The following EPB41L5 variants were observed in gnomAD, a reference collection of about 807,000 sequenced individuals.
EPB41L5 encodes the protein erythrocyte membrane protein band 4.1 like 5, also known as band 4.1-like protein 5.
EPB41L5 carries 55 observed loss-of-function variants against 106.6 expected under a neutral mutation model. That is an observed-to-expected ratio of 0.52 (90% CI 0.42 to 0.65). The LOEUF (loss-of-function observed/expected upper bound fraction) is 0.65, where lower values mean the gene tolerates loss of function less well. Ranked by LOEUF, EPB41L5 falls within the 30% of genes least tolerant of loss-of-function variation. EPB41L5 has a pLI of 0.00. For synonymous variants in EPB41L5, 297 were observed against 306.7 expected (o/e 0.97, Z 0.33); for missense variants, 871 against 882.1 (o/e 0.99, Z 0.16).
intron 21 of EPB41L5, among the ~76,000 whole-genome samples, chr2:120,163,919 T>G (rs1020598517): frequency 9.9e-5 from 15 of 151,354 alleles, no homozygotes; most frequent in Admixed American, 6.6e-4. Flanking sequence ...GCCAGTGCAC[T>G]TCAGCCTGGA....
At chr2:120,123,516 A>G (rs1356278490) in intron 16 of EPB41L5, among the ~76,000 whole-genome samples, 2 of 152,166 alleles carry the variant, frequency 1.3e-5, no homozygotes, top group Non-Finnish European at 2.9e-5. Context: ...TATAAGAACC[A>G]TCTTACTTGT....
At chr2:120,123,646 C>CTTTTTT (rs869296989) in intron 16 of EPB41L5, among the ~76,000 whole-genome samples, 4 of 68,334 alleles carry the variant, frequency 5.9e-5, no homozygotes, top group African/African-American at 1.1e-4. Flanking sequence ...GTGTTCGTCC[C>CTTTTTT]TTTTTTTTTT....
intron 18 of EPB41L5, among the ~76,000 whole-genome samples, chr2:120,136,978 A>T (rs1199283150): frequency 6.6e-6 from 1 of 152,096 alleles, no homozygotes; most frequent in South Asian, 2.1e-4. Context: ...ATGTTAAGTC[A>T]CAAAACAAGT....
intron 20 of EPB41L5, among the ~76,000 whole-genome samples, chr2:120,153,026 G>C (rs908646036): frequency 6.6e-6 from 1 of 152,012 alleles, no homozygotes; most frequent in African/African-American, 2.4e-5. Flanking sequence ...ATCTTTCAGT[G>C]GACTAACTTT....
chr2:120,123,069 T>C (rs1207571201), intron 16 of EPB41L5, among the ~76,000 whole-genome samples: 5 of 152,190 alleles, frequency 3.3e-5, no homozygotes, highest in Non-Finnish European at 7.3e-5. Context: ...GGCTCAGCAG[T>C]CCTTGAGCCC....
intron 10 of EPB41L5, among the ~76,000 whole-genome samples, chr2:120,084,349 G>T (rs1045698843): frequency 6.6e-6 from 1 of 152,170 alleles, no homozygotes; most frequent in South Asian, 2.1e-4. Context: ...GCATTTGCTT[G>T]TCTGTAAACT....
intron 16 of EPB41L5, among the ~76,000 whole-genome samples, chr2:120,115,720 G>T (rs940003451): frequency 6.6e-6 from 1 of 151,980 alleles, no homozygotes; most frequent in Non-Finnish European, 1.5e-5. Context: ...TTTTCTTAAT[G>T]GTTACCCTGG....
At chr2:120,155,297 C>T (rs780664001) in intron 20 of EPB41L5, among the ~76,000 whole-genome samples, 4 of 152,136 alleles carry the variant, frequency 2.6e-5, no homozygotes, top group Non-Finnish European at 5.9e-5. Flanking sequence ...TGACAGGGTA[C>T]TTTCTTTCAG....
chr2:120,019,475 GC>G (rs1455897943), intron 2 of EPB41L5, among the ~76,000 whole-genome samples: 1 of 152,152 alleles, frequency 6.6e-6, no homozygotes, highest in Admixed American at 6.5e-5. Flanking sequence ...GGAATTAGTG[GC>G]GATTACCTGA....
chr2:120,137,913 T>C (rs577384389), intron 18 of EPB41L5, among the ~76,000 whole-genome samples: 1 of 152,078 alleles, frequency 6.6e-6, no homozygotes, highest in South Asian at 2.1e-4. Flanking sequence ...AGGAAAACTG[T>C]AGACCAGTAT....
intron 22 of EPB41L5, among the ~76,000 whole-genome samples, chr2:120,165,178 TTTC>T (rs1425147425): frequency 6.6e-6 from 1 of 152,210 alleles, no homozygotes; most frequent in Non-Finnish European, 1.5e-5. Context: ...GATAAAGCAG[TTTC>T]TTGAGACAAT....
chr2:120,074,088 TTTA>T lies in EPB41L5; in HGVS notation c.329-11_329-9del. On this transcript the variant is annotated splice_polypyrimidine_tract_variant and intron_variant, in intron 4 of 24. Coordinates refer to ENST00000263713, the MANE Select transcript of EPB41L5 (RefSeq NM_020909.4). ...TTATTTTATTAAAACCTTTTTTTTT[TTTA>T]AATGACAGTTGGTTCACCCTATTGT... 6.3e-7 allele frequency: 1 copy of T among 1,586,016 alleles called. No individual in the cohort carries two copies. Among genetic ancestry groups the T allele is most frequent in the Admixed American group, 1.8e-5 (1 of 55,828 alleles).
Position 120,143,094 on chromosome 2 carries a change from G to A in EPB41L5, c.1691G>A (p.Ser564Asn), listed in dbSNP as rs1214588077. Residue 564 changes from serine to asparagine, a missense_variant, in exon 19 of 25, where the codon AGT (serine) becomes AAT (asparagine). Coordinates refer to ENST00000263713, the MANE Select transcript of EPB41L5 (RefSeq NM_020909.4). ...NVMRVPPDFK[S>N]NILKAQVEAV... ...ATGAGAGTTCCTCCTGACTTCAAGA[G>A]TAACATTTTGAAGGCTCAAGTAGAA... The A allele has an allele frequency of 6.2e-7, 1 of 1,608,134 alleles. No individual in the cohort carries two copies. The highest frequency in any genetic ancestry group is 1.7e-5 in the Admixed American group (1 of 58,706).
At chr2:120,164,022 G>A (rs1174390858) in intron 21 of EPB41L5, among the ~76,000 whole-genome samples, 8 of 101,180 alleles carry the variant, frequency 7.9e-5, no homozygotes, top group South Asian at 3.3e-4. Context: ...TTGCTCTGTC[G>A]CCCAGGCTGG....
chr2:120,108,601 AC>A (rs1020548618), intron 16 of EPB41L5: 20 of 152,316 alleles, frequency 1.3e-4, no homozygotes, highest in Admixed American at 4.6e-4. Context: ...ACCTTGTGGA[AC>A]TAGTTAGAGG....
chr2:120,109,421 C>T (rs1684619729), intron 16 of EPB41L5, among the ~76,000 whole-genome samples: 1 of 152,168 alleles, frequency 6.6e-6, no homozygotes, highest in Non-Finnish European at 1.5e-5. Context: ...ACCTTGCTTC[C>T]TACTTTATTG....
At chr2:120,131,396 A>C (rs1005479998) in intron 17 of EPB41L5, among the ~76,000 whole-genome samples, 75 of 152,316 alleles carry the variant, frequency 4.9e-4, no homozygotes, top group African/African-American at 1.8e-3. Context: ...GGAGTGCTGC[A>C]GATATAGGGT....
At chr2:120,080,348 A>G (rs1682560595) in intron 10 of EPB41L5, among the ~76,000 whole-genome samples, 1 of 152,060 alleles carries the variant, frequency 6.6e-6, no homozygotes, top group South Asian at 2.1e-4. Flanking sequence ...ACGACTGAGA[A>G]CATGCGGTGT....
chr2:120,148,945 C>T (rs1686536986), intron 20 of EPB41L5, among the ~76,000 whole-genome samples: 1 of 101,048 alleles, frequency 9.9e-6, no homozygotes. Flanking sequence ...TGCCAAATGT[C>T]TTCCAAAATG....
Sources: allele counts gnomAD v4.1 joint callset (sites outside exome capture counted in the v4.1 genomes callset), GRCh38; gene constraint gnomAD v4.1.1; transcripts MANE v1.5; gene names NCBI Gene and HGNC (gene_info 2026-07-23, HGNC 2026-07-21).